Variants in TRPM2 observed in about 807,000 individuals in gnomAD.
The protein encoded by TRPM2 is transient receptor potential cation channel subfamily M member 2.
A neutral mutation model predicts 174.0 loss-of-function variants in TRPM2; 161 were observed. The observed-to-expected ratio is 0.93, with a 90% CI of 0.81 to 1.05. The LOEUF (loss-of-function observed/expected upper bound fraction) is 1.05. TRPM2 is among the 50% of genes least tolerant of loss of function. The pLI is 0.00. For synonymous variants in TRPM2, 954 were observed against 861.3 expected, an observed-to-expected ratio of 1.11 and a Z score of -1.88; for missense variants, 2,057 against 2,038.0, an observed-to-expected ratio of 1.01 and a Z score of -0.18.
intron 29 of TRPM2, 145 bp downstream of exon 29, chr21:44,437,312 T>G (rs2051313650): frequency 8.9e-6 from 6 of 674,856 alleles, no homozygotes; most frequent in Non-Finnish European, 1.5e-5. Flanking sequence ...CCCCGCCTGT[T>G]TTGTCTGTAG....
intron 19 of TRPM2, among the ~76,000 whole-genome samples, chr21:44,407,543 C>T (rs2049948693): frequency 7.3e-6 from 1 of 136,084 alleles, no homozygotes; most frequent in African/African-American, 2.7e-5. Context: ...AGTATCTTTA[C>T]AGAATCTAAC....
chr21:44,397,678 G>A, intron 12 of TRPM2, 69 bp from the exon 13 acceptor site: 2 of 1,477,346 alleles, frequency 1.4e-6, no homozygotes, highest in Admixed American at 2.3e-5. Context: ...ACCTGGGGCA[G>A]TGTGTTGGGT....
At chr21:44,434,742 G>A (rs576599829) in intron 27 of TRPM2, among the ~76,000 whole-genome samples, 2 of 152,052 alleles carry the variant, frequency 1.3e-5, no homozygotes, top group Non-Finnish European at 2.9e-5. Context: ...ACTGCCCCTC[G>A]GAAGGCTGCC....
intron 27 of TRPM2, among the ~76,000 whole-genome samples, chr21:44,429,564 G>A (rs2050955137): frequency 6.6e-6 from 1 of 151,868 alleles, no homozygotes; most frequent in Non-Finnish European, 1.5e-5. Context: ...TGGGATTACA[G>A]ACATGAGCCA....
rs144809696 is a variant in TRPM2 at position 44,379,183 on chromosome 21, G to A, written c.1201G>A (p.Glu401Lys). 3.8e-5 allele frequency: 61 copies of A among 1,612,890 alleles called. No homozygotes were observed. The highest frequency in any genetic ancestry group is 4.4e-5 in the Non-Finnish European group (52 of 1,180,026). The change falls in exon 8 of 32, where the codon GAG becomes AAG. Residue 401 changes from glutamate (E) to lysine (K), a missense_variant. Physicochemically the swap from Glu to Lys is moderately conservative, Grantham distance 56. Transcript: ENST00000397928. Reference protein sequence around the residue: ...FETFTESRIVEWTKKIQDIVR... With the variant: ...FETFTESRIVKWTKKIQDIVR... The stretch of plus-strand genomic sequence containing the variant: ...GACCTTCACGGAAAGCAGGATTGTC[G>A]AGTGGACCAAAAAGGTGAGGCTGAC...
In TRPM2 at chr21:44,382,485, T is replaced by A. The variant is rs149873774; in HGVS notation, c.1216-233T>A. 4.2e-4 allele frequency among the ~76,000 whole-genome samples: 64 copies of A among 152,294 alleles called. No individual in the cohort carries two copies. In the East Asian group the frequency reaches 0.012, roughly 28 times the overall value. ...CACTATCGTCAGGGTGAAGATCCGT[T>A]GCCCTTGGATTGTGTTTTCCACCCA... is the stretch of plus-strand genomic sequence containing the variant. On this transcript the variant is annotated intron_variant, in intron 8 of 31. Coordinates refer to ENST00000397928, the MANE Select transcript of TRPM2 (RefSeq NM_003307.4).
chr21:44,369,075 G>T, intron 4 of TRPM2, 102 bp from the exon 5 acceptor site: 3 of 1,261,404 alleles, frequency 2.4e-6, no homozygotes, highest in Non-Finnish European at 3.2e-6. Flanking sequence ...GCGTTGTTGG[G>T]GGCGGGGCAT....
intron 28 of TRPM2, among the ~76,000 whole-genome samples, chr21:44,435,674 G>C (rs1273455484): frequency 5.4e-3 from 357 of 66,420 alleles, no homozygotes; most frequent in Middle Eastern, 0.013. Flanking sequence ...CACGGGGACA[G>C]AGCCCCACAC....
chr21:44,364,025 G>T (rs2048288116), intron 2 of TRPM2, 89 bp from the exon 3 acceptor site: 1 of 1,416,170 alleles, frequency 7.1e-7, no homozygotes, highest in African/African-American at 1.4e-5. Context: ...GGGGAAGGTT[G>T]CGGCTTTCCA....
At chr21:44,358,923 C>T (rs1019028801) in intron 2 of TRPM2, among the ~76,000 whole-genome samples, 2 of 151,854 alleles carry the variant, frequency 1.3e-5, no homozygotes, top group Non-Finnish European at 2.9e-5. Context: ...TTGTGAAGAG[C>T]GAAAGAACAA....
At chr21:44,428,364 CCCCTGAGGTGTGGCTCCT>C (rs1173040128) in intron 27 of TRPM2, among the ~76,000 whole-genome samples, 18 of 151,842 alleles carry the variant, frequency 1.2e-4, no homozygotes, top group South Asian at 2.1e-4. Context: ...TCTGGCCCCT[CCCCTGAGGTGTGGCTCCT>C]CCCTGAGGTG....
At chr21:44,436,515 G>C (rs7278129) in intron 28 of TRPM2, among the ~76,000 whole-genome samples, 98,404 of 128,026 alleles carry the variant, frequency 0.77, 37,994 homozygotes, top group East Asian at 0.92. Flanking sequence ...GTCACCCCCG[G>C]GCTGCACTCT....
rs142347373 is a variant in TRPM2, at chr21:44,438,771, T to C, written c.4168-296T>C. On this transcript the variant is annotated intron_variant, in intron 29 of 31. Transcript: ENST00000397928. This position sits in a 1 kb window ranked among gnomAD's most constrained non-coding sequence, Gnocchi z 5.9. The stretch of plus-strand genomic sequence containing the variant: ...CCAGGGGAGCGGGAAGGGGGTGCCC[T>C]GTCACCCTTGGGGAGTCTGAGCTCA... 7.1e-3 allele frequency among the ~76,000 whole-genome samples: 1,074 copies of C among 152,236 alleles called. 7 individuals carry two copies. Among genetic ancestry groups the C allele is most frequent in the South Asian group, 0.024 (115 of 4,828 alleles).
chr21:44,394,536 G>T (rs2049281716), intron 11 of TRPM2, among the ~76,000 whole-genome samples: 1 of 151,108 alleles, frequency 6.6e-6, no homozygotes, highest in East Asian at 2.0e-4. Context: ...AGCCAGGATG[G>T]TCTCGATCTC....
At chr21:44,370,245 C>CCCGA (rs1809885579) in intron 5 of TRPM2, among the ~76,000 whole-genome samples, 1 of 152,094 alleles carries the variant, frequency 6.6e-6, no homozygotes, top group South Asian at 2.1e-4. Flanking sequence ...GCGATCCGAC[C>CCCGA]CCGAACCGGA....
chr21:44,352,631 C>T (rs886667900), upstream of TRPM2, among the ~76,000 whole-genome samples: 1 of 152,144 alleles, frequency 6.6e-6, no homozygotes, highest in Non-Finnish European at 1.5e-5. Flanking sequence ...CAGGGGATGA[C>T]CATGGATGAC....
rs371277018 is a variant in TRPM2 at position 44,363,628 on chromosome 21, C to A, written c.255-486C>A. On this transcript the variant is annotated intron_variant, in intron 2 of 31. Coordinates refer to ENST00000397928, the MANE Select transcript of TRPM2 (RefSeq NM_003307.4). ...ATTTCTAATGTGGCTGCTTTAAAAT[C>A]ATTTTCAGATAATTCTAACATCTGT... is the stretch of plus-strand genomic sequence containing the variant. Among the ~76,000 whole-genome samples the A allele has an allele frequency of 2.2e-4, 33 of 152,286 alleles. No individual in the cohort carries two copies. In the Middle Eastern group the frequency reaches 0.01, roughly 47 times the overall value.
chr21:44,427,162 G>A (rs956604315), intron 27 of TRPM2, 51 bp downstream of exon 27: 1 of 1,455,630 alleles, frequency 6.9e-7, no homozygotes, highest in Non-Finnish European at 9.3e-7. Context: ...GGGTTTGCCT[G>A]GGGGGCAGGT....
rs1252314169 is a variant in TRPM2 at position 44,367,638 on chromosome 21, GA to G, written c.604+706del. ...GGCCTCCCTGGAGGGGACTGTGGAT[GA>G]ATAGTGAGGCCCTGAGGTGACTACT... On this transcript the variant is annotated intron_variant, in intron 4 of 31. Transcript: ENST00000397928. The surrounding 1 kb of genome is among the most constrained non-coding windows in gnomAD (Gnocchi z 4.6). Among the ~76,000 whole-genome samples, 1 of 152,196 alleles carries G rather than the reference GA, an allele frequency of 6.6e-6. No homozygotes were observed. Among genetic ancestry groups the G allele is most frequent in the African/African-American group, 2.4e-5 (1 of 41,450 alleles).
Sources: gnomAD v4.1 joint callset for allele counts (sites outside exome capture counted in the v4.1 genomes callset) on GRCh38, gnomAD v4.1.1 for gene constraint, Gnocchi (gnomAD v3.1) non-coding constraint, MANE v1.5 for transcripts, NCBI Gene and HGNC (gene_info 2026-07-23, HGNC 2026-07-21) for gene names.